TM9SF4: variants seen among roughly 807,000 people sequenced by gnomAD.
TM9SF4 encodes dinucleotide oxidase disulfide thiol exchanger 3 superfamily member 4.
Under a neutral mutation model 90.4 loss-of-function variants are expected in TM9SF4, and 26 were observed. That is an observed-to-expected ratio of 0.29 (90% confidence interval 0.21 to 0.40). TM9SF4 has a LOEUF of 0.40. Among genes scored for constraint, TM9SF4 ranks in the 10% least tolerant of loss-of-function variants. The pLI is 1.00. For synonymous variants in TM9SF4, 293 were observed against 315.4 expected (o/e 0.93, Z 0.75); for missense variants, 549 against 834.8 (o/e 0.66, Z 4.22).
chr20:32,144,998 C>T (rs2046740653), intron 6 of TM9SF4, 93 bp from the exon 7 acceptor site: 4 of 1,196,162 alleles, frequency 3.3e-6, no homozygotes, highest in Non-Finnish European at 5.0e-6. Context: ...GCTGGGTCTC[C>T]GCGACAGGCA....
Position 32,165,563 on chromosome 20 carries a change from A to G in TM9SF4, c.*119A>G. 1.6e-6 allele frequency: 2 copies of G among 1,232,452 alleles called. No homozygotes were observed. Among genetic ancestry groups the G allele is most frequent in the East Asian group, 2.5e-5 (1 of 40,318 alleles). The allele number at this position is 1,232,452 out of a possible 1,614,324, so 76.3% of individuals were successfully genotyped here. A position where few individuals can be genotyped will look rare whatever the true frequency, so the allele number is the denominator to read the frequency against. On this transcript the variant is annotated 3_prime_UTR_variant, in exon 18 of 18. Coordinates refer to ENST00000398022, the MANE Select transcript of TM9SF4 (RefSeq NM_014742.4). ...TCGTTTGGAATGTAACTCCTGGCAC[A>G]GTGTTCCTGGATCCTGGGGCTGCGT...
chr20:32,126,216 A>T (rs544850641), intron 1 of TM9SF4, among the ~76,000 whole-genome samples: 1 of 152,290 alleles, frequency 6.6e-6, no homozygotes, highest in East Asian at 1.9e-4. Context: ...TGCTACTCAT[A>T]GGATGGTCCA....
At position 32,109,840 on chromosome 20, in the gene TM9SF4, C is replaced by G. The variant is rs1045310335; in HGVS notation, c.15+85C>G. 51 of 1,547,002 alleles carry G rather than the reference C, an allele frequency of 3.3e-5. No homozygotes were observed. In the Middle Eastern group the frequency reaches 5.3e-4, roughly 16 times the overall value. ...ATCTTCCAGCACCCCATGCCTGGCC[C>G]TGAGCCACCTCCGGGACCCCTGACT... On this transcript the variant is annotated intron_variant, in intron 1 of 17. Transcript: ENST00000398022.
chr20:32,122,362 T>TCCCAGAC (rs2046333081), intron 1 of TM9SF4, among the ~76,000 whole-genome samples: 1 of 150,730 alleles, frequency 6.6e-6, no homozygotes, highest in Non-Finnish European at 1.5e-5. Context: ...GCTCCTCACT[T>TCCCAGAC]CCCAGACGGG....
chr20:32,141,358 G>C, intron 3 of TM9SF4, 139 bp from the exon 4 acceptor site: 1 of 980,014 alleles, frequency 1.0e-6, no homozygotes, highest in Non-Finnish European at 1.5e-6. Flanking sequence ...AATGGGAAGG[G>C]CATTGGCTGC....
Position 32,150,855 on chromosome 20 carries a change from T to G in TM9SF4, c.1225T>G (p.Trp409Gly). The stretch of plus-strand genomic sequence containing the variant: ...GTACCGCACTTTAAAAGGCCATCGG[T>G]GGAAGAAAGGAGCCTTCTGTGTGAG... ...RLYRTLKGHR[W>G]KKGAFCTATL... The change falls in exon 12 of 18, where the codon TGG becomes GGG. Residue 409 changes from tryptophan to glycine, a missense_variant. By Grantham distance (184) the Trp-to-Gly change is radical. Around this residue, in one of 2 missense-constraint regions of TM9SF4, gnomAD observed 495 missense variants for 711.7 expected, o/e 0.70. Transcript: ENST00000398022. The G allele has an allele frequency of 1.2e-6, 2 of 1,614,164 alleles. No individual in the cohort carries two copies. The highest frequency in any genetic ancestry group is 1.7e-6 in the Non-Finnish European group (2 of 1,180,026).
chr20:32,143,583 C>T (rs930475061), intron 6 of TM9SF4, among the ~76,000 whole-genome samples: 1 of 152,118 alleles, frequency 6.6e-6, no homozygotes, highest in Admixed American at 6.5e-5. Context: ...AACAGGTGTG[C>T]GGGAGTTTGA....
In TM9SF4 at chr20:32,145,442, G is replaced by A; in HGVS notation, c.883+19G>A. ...CTGTCAGGTGAGAGATCTGTGGGTT[G>A]AGGGAAAGGGGATGGGGGTTGGGGT... is the stretch of plus-strand genomic sequence containing the variant. On this transcript the variant is annotated intron_variant, in intron 8 of 17. Coordinates refer to ENST00000398022, the MANE Select transcript of TM9SF4 (RefSeq NM_014742.4). 1 of 1,607,204 alleles carries A rather than the reference G, an allele frequency of 6.2e-7. No homozygotes were observed. Among genetic ancestry groups the A allele is most frequent in the Non-Finnish European group, 8.5e-7 (1 of 1,173,714 alleles).
chr20:32,154,868 A>C (rs1301068364), intron 12 of TM9SF4, among the ~76,000 whole-genome samples: 2 of 152,216 alleles, frequency 1.3e-5, no homozygotes, highest in Admixed American at 6.5e-5. Flanking sequence ...GGTAGCCAAA[A>C]TATGTAATTA....
rs115856030 is a variant in TM9SF4, at chr20:32,153,990, G to T, written c.1246-1113G>T. Among the ~76,000 whole-genome samples the T allele has an allele frequency of 3.4e-3, 521 of 152,270 alleles. 3 individuals carry two copies. Among genetic ancestry groups the T allele is most frequent in the African/African-American group, 0.012 (498 of 41,544 alleles). The stretch of plus-strand genomic sequence containing the variant: ...CAGGCCTCAGTGTCCTCATTAAAAG[G>T]AATAATGGTAGACTTTCCTTCCAGA... On this transcript the variant is annotated intron_variant, in intron 12 of 17. Coordinates refer to ENST00000398022, the MANE Select transcript of TM9SF4 (RefSeq NM_014742.4).
Position 32,109,774 on chromosome 20 carries a change from G to A in TM9SF4, c.15+19G>A, listed in dbSNP as rs375366810. 7 of 1,551,548 alleles carry A rather than the reference G, an allele frequency of 4.5e-6. No individual in the cohort carries two copies. Among genetic ancestry groups the A allele is most frequent in the Non-Finnish European group, 6.1e-6 (7 of 1,146,966 alleles). On this transcript the variant is annotated intron_variant, in intron 1 of 17. Coordinates refer to ENST00000398022, the MANE Select transcript of TM9SF4 (RefSeq NM_014742.4). ...GGCGATGGTGAGTGAAGGAGACTCCGGGAGCGGGAGCTGGAGCGGGGCCCT... is the reference window on the plus strand; with the variant it reads ...GGCGATGGTGAGTGAAGGAGACTCCAGGAGCGGGAGCTGGAGCGGGGCCCT...
rs62207388 is a variant in TM9SF4, at chr20:32,167,123, G to A, written c.*1679G>A. 1.3e-5 allele frequency: 2 copies of A among 151,838 alleles called. No individual in the cohort carries two copies. The highest frequency in any genetic ancestry group is 1.9e-4 in the East Asian group (1 of 5,190). 9.4% of individuals were successfully genotyped at this position (151,838 alleles called of 1,614,324 possible). A position where few individuals can be genotyped will look rare whatever the true frequency, so the allele number is the denominator to read the frequency against. Reference sequence around the variant, plus strand: ...TCTCTTTTTAGGGGGAATGGGAAACGGACACCTCATAAAGGGTTCAAAGAT... The same window carrying A: ...TCTCTTTTTAGGGGGAATGGGAAACAGACACCTCATAAAGGGTTCAAAGAT... On this transcript the variant is annotated 3_prime_UTR_variant, in exon 18 of 18. Transcript: ENST00000398022.
chr20:32,109,721 C>G lies in TM9SF4; in HGVS notation c.-20C>G. The G allele has an allele frequency of 7.7e-6, 12 of 1,551,640 alleles. No individual in the cohort carries two copies. Among genetic ancestry groups the G allele is most frequent in the South Asian group, 2.4e-5 (2 of 84,066 alleles). ...AGCACCACTTCCGCTGACGTCATTACGGCGACACGTGGATCCAAGATGGCG... is the reference window on the plus strand; with the variant it reads ...AGCACCACTTCCGCTGACGTCATTAGGGCGACACGTGGATCCAAGATGGCG... On this transcript the variant is annotated 5_prime_UTR_variant, in exon 1 of 18. Transcript: ENST00000398022.
rs1205846955 is a variant in TM9SF4, at chr20:32,166,494, T to G, written c.*1050T>G. 1 of 152,336 alleles carries G rather than the reference T, an allele frequency of 6.6e-6. No individual in the cohort carries two copies. Among genetic ancestry groups the G allele is most frequent in the Non-Finnish European group, 1.5e-5 (1 of 68,126 alleles). The allele number at this position is 152,336 out of a possible 1,614,324, so 9.4% of individuals were successfully genotyped here. ...CATTCTCTCCCTGCCCTCTCTGGCC[T>G]CTGGGGTCATACTCACTTCTTTAGC... is the stretch of plus-strand genomic sequence containing the variant. On this transcript the variant is annotated 3_prime_UTR_variant, in exon 18 of 18. Coordinates refer to ENST00000398022, the MANE Select transcript of TM9SF4 (RefSeq NM_014742.4).
At chr20:32,118,430 A>AT (rs1349304990) in intron 1 of TM9SF4, among the ~76,000 whole-genome samples, 1 of 151,822 alleles carries the variant, frequency 6.6e-6, no homozygotes, top group African/African-American at 2.4e-5. Flanking sequence ...TATGTCTTTA[A>AT]TTTTTTAATT....
intron 16 of TM9SF4, 48 bp from the exon 17 acceptor site, chr20:32,161,228 G>A: frequency 6.5e-7 from 1 of 1,545,654 alleles, no homozygotes; most frequent in Non-Finnish European, 8.9e-7. Flanking sequence ...TTGGTAGGAA[G>A]GGGTTCTGCC....
At chr20:32,149,594 C>T (rs1414488266) in intron 9 of TM9SF4, 40 bp from the exon 10 acceptor site, 31 of 1,613,976 alleles carry the variant, frequency 1.9e-5, no homozygotes, top group Non-Finnish European at 2.6e-5. Context: ...GAGCTGCCTC[C>T]ATCTTCAACA....
intron 1 of TM9SF4, among the ~76,000 whole-genome samples, chr20:32,127,566 T>C (rs1373450348): frequency 9.2e-5 from 14 of 152,218 alleles, no homozygotes; most frequent in Admixed American, 9.2e-4. Flanking sequence ...TAGGAGGTGC[T>C]CAGTGACTCT....
chr20:32,128,462 A>C (rs2046454991), intron 1 of TM9SF4, among the ~76,000 whole-genome samples: 1 of 152,136 alleles, frequency 6.6e-6, no homozygotes, highest in South Asian at 2.1e-4. Context: ...AAAATTTAGG[A>C]GGTACCAAGT....
Sources: gnomAD v4.1 joint callset for allele counts (sites outside exome capture counted in the v4.1 genomes callset) on GRCh38, gnomAD v4.1.1 for gene constraint, gnomAD v4.1.1 regional missense constraint, MANE v1.5 for transcripts, NCBI Gene and HGNC (gene_info 2026-07-23, HGNC 2026-07-21) for gene names.